PARVG: variants seen among roughly 807,000 people sequenced by gnomAD.
PARVG encodes the protein gamma-parvin.
A neutral mutation model predicts 44.4 loss-of-function variants in PARVG; 36 were observed. The observed-to-expected ratio is 0.81, with a 90% CI of 0.62 to 1.07. The LOEUF (loss-of-function observed/expected upper bound fraction) is 1.07, where lower values mean the gene tolerates loss of function less well. PARVG is among the 50% of genes least tolerant of loss of function. PARVG has a pLI of 0.00. For missense variants in PARVG, 407 were observed against 407.4 expected, an observed-to-expected ratio of 1.00 and a Z score of 0.01; for synonymous variants, 170 against 174.1, an observed-to-expected ratio of 0.98 and a Z score of 0.19.
chr22:44,205,938 G>A, intron 13 of PARVG, 109 bp downstream of exon 13: 1 of 1,300,382 alleles, frequency 7.7e-7, no homozygotes, highest in Non-Finnish European at 1.1e-6. Flanking sequence ...CATTGGCAGA[G>A]TCCTCTTGCC....
chr22:44,185,853 A>C lies in PARVG; in HGVS notation c.125A>C (p.Lys42Thr), dbSNP rs762961993. The change falls in exon 4 of 14, where the codon AAA becomes ACA. Residue 42 changes from lysine (K) to threonine (T), a missense_variant. Lys to Thr is a moderately conservative substitution (Grantham distance 78). Coordinates refer to ENST00000444313, the MANE Select transcript of PARVG (RefSeq NM_022141.7). ...YLPPTSRKDP[K>T]FEELQKVLME... is the part of the protein sequence containing the mutation. ...CCACCCACTTCCCGGAAGGACCCCA[A>C]ATTTGAAGAACTGCAGAAGGTACAG... is the stretch of plus-strand genomic sequence containing the variant. The C allele has an allele frequency of 1.2e-6, 2 of 1,613,400 alleles. No homozygotes were observed. The highest frequency in any genetic ancestry group is 1.7e-6 in the Non-Finnish European group (2 of 1,179,684).
intron 12 of PARVG, 54 bp from the exon 13 acceptor site, chr22:44,205,703 C>T (rs1350172945): frequency 6.2e-7 from 1 of 1,604,332 alleles, no homozygotes; most frequent in Non-Finnish European, 8.5e-7. Context: ...GGACCCAAGG[C>T]CTGGCCTGGG....
At chr22:44,196,809 A>G (rs1267063830) in intron 11 of PARVG, among the ~76,000 whole-genome samples, 1 of 152,200 alleles carries the variant, frequency 6.6e-6, no homozygotes, top group African/African-American at 2.4e-5. Flanking sequence ...GTGACAGCGC[A>G]GCCCAGCCGT....
rs1416378816 is a variant in PARVG, at chr22:44,198,615, T to A, written c.712-6T>A. ...ATGTGATTGTCTCCAGTTCCTTCCT[T>A]TGTAGTTTGCAGATGGGGTCATCTT... On this transcript the variant is annotated splice_polypyrimidine_tract_variant and splice_region_variant and intron_variant, in intron 11 of 13. Coordinates refer to ENST00000444313, the MANE Select transcript of PARVG (RefSeq NM_022141.7). 6.2e-7 allele frequency: 1 copy of A among 1,606,078 alleles called. No homozygotes were observed. The highest frequency in any genetic ancestry group is 8.5e-7 in the Non-Finnish European group (1 of 1,172,676).
intron 7 of PARVG, among the ~76,000 whole-genome samples, chr22:44,191,288 C>CG (rs1192515898): frequency 6.6e-6 from 1 of 151,778 alleles, no homozygotes; most frequent in Admixed American, 6.6e-5. Flanking sequence ...ACCCCAGCCT[C>CG]GGGTCCCTCA....
chr22:44,174,053 C>A (rs1569173426), intron 1 of PARVG, among the ~76,000 whole-genome samples: 1 of 152,328 alleles, frequency 6.6e-6, no homozygotes, highest in Non-Finnish European at 1.5e-5. Flanking sequence ...TGGTGCAGAA[C>A]CTTCTGGGGA....
intron 6 of PARVG, among the ~76,000 whole-genome samples, chr22:44,190,141 G>A (rs1389524613): frequency 6.6e-6 from 1 of 152,168 alleles, no homozygotes; most frequent in Non-Finnish European, 1.5e-5. Context: ...GGTCCCATGC[G>A]CCTGCATTCG....
upstream of PARVG, among the ~76,000 whole-genome samples, chr22:44,179,181 G>T (rs1444713495): frequency 6.6e-6 from 1 of 151,584 alleles, no homozygotes; most frequent in Admixed American, 6.6e-5. The surrounding 1 kb of genome is among the most constrained non-coding windows in gnomAD (Gnocchi z 4.2). Flanking sequence ...CTCTTAATTG[G>T]GGTTTGGGGG....
At chr22:44,179,761 G>A (rs1438668965), upstream of PARVG, among the ~76,000 whole-genome samples, 1 of 141,692 alleles carries the variant, frequency 7.1e-6, no homozygotes, top group Non-Finnish European at 1.6e-5. The surrounding 1 kb of genome is among the most constrained non-coding windows in gnomAD (Gnocchi z 4.2). Context: ...AGTTAATTGG[G>A]ATTCAGTTGC....
intron 12 of PARVG, 144 bp from the exon 13 acceptor site, chr22:44,205,613 C>T (rs879537196): frequency 3.7e-5 from 31 of 842,864 alleles, no homozygotes; most frequent in Non-Finnish European, 4.8e-5. Flanking sequence ...GGATTGTGGT[C>T]GTGGTCAGGG....
intron 12 of PARVG, among the ~76,000 whole-genome samples, chr22:44,202,195 T>A (rs1008973179): frequency 2.0e-5 from 3 of 152,204 alleles, no homozygotes; most frequent in Non-Finnish European, 2.9e-5. Flanking sequence ...CCTGTTTCCC[T>A]CCTGTGGAGC....
intron 1 of PARVG, among the ~76,000 whole-genome samples, chr22:44,174,684 C>T (rs958395798): frequency 2.1e-5 from 3 of 146,034 alleles, no homozygotes; most frequent in South Asian, 2.2e-4. Context: ...TGCATTGAGC[C>T]GAGATCACCC....
At position 44,186,383 on chromosome 22, in the gene PARVG, C is replaced by T. The variant is rs563150345; in HGVS notation, c.144+511C>T. 7.7e-4 allele frequency: 280 copies of T among 361,830 alleles called. 2 individuals carry two copies. The highest frequency in any genetic ancestry group is 1.2e-3 in the Non-Finnish European group (219 of 180,212). The allele number at this position is 361,830 out of a possible 1,614,324, so 22.4% of individuals were successfully genotyped here. The stretch of plus-strand genomic sequence containing the variant: ...TGCTGCTATGGCCACTGGACCAGCT[C>T]GGCACAGGTGGGCTCCAGGCCTCTG... On this transcript the variant is annotated intron_variant, in intron 4 of 13. Coordinates refer to ENST00000444313, the MANE Select transcript of PARVG (RefSeq NM_022141.7).
intron 1 of PARVG, 149 bp downstream of exon 1, chr22:44,181,334 G>T: frequency 1.0e-6 from 1 of 985,508 alleles, no homozygotes; most frequent in Non-Finnish European, 1.2e-6. Context: ...TCAGGGGCGG[G>T]CAGGGGGCGT....
In PARVG at chr22:44,181,091, C is replaced by T. The variant is rs2054368786; in HGVS notation, c.-283C>T. Reference sequence around the variant, plus strand: ...CCTATGCAGCCGTCAAGGCCCCATTCTCCTCTGGAAAGCCTTCCCGATCCC... The same window carrying T: ...CCTATGCAGCCGTCAAGGCCCCATTTTCCTCTGGAAAGCCTTCCCGATCCC... On this transcript the variant is annotated 5_prime_UTR_variant, in exon 1 of 14. Transcript: ENST00000444313. 1.5e-6 allele frequency: 1 copy of T among 678,250 alleles called. No individual in the cohort carries two copies. The highest frequency in any genetic ancestry group is 1.3e-4 in the East Asian group (1 of 7,474). 42.0% of individuals were successfully genotyped at this position (678,250 alleles called of 1,614,324 possible).
chr22:44,204,121 A>C (rs1382886407), intron 12 of PARVG, among the ~76,000 whole-genome samples: 3 of 152,214 alleles, frequency 2.0e-5, no homozygotes, highest in Non-Finnish European at 1.5e-5. Context: ...CTGGGATTAC[A>C]GGAATGAGCC....
exon 1 of PARVG, chr22:44,173,119 G>T (rs1381626631): frequency 7.8e-7 from 1 of 1,289,194 alleles, no homozygotes; most frequent in Non-Finnish European, 1.0e-6. Flanking sequence ...CCTTTGTGGG[G>T]GATGGGACTT....
chr22:44,181,260 G>A (rs1276110196), intron 1 of PARVG, 75 bp downstream of exon 1: 6 of 859,762 alleles, frequency 7.0e-6, no homozygotes, highest in Non-Finnish European at 7.0e-6. Flanking sequence ...GGTGCCGTTG[G>A]TGGGTTTGAG....
At chr22:44,202,059 A>G (rs2054717143) in intron 12 of PARVG, among the ~76,000 whole-genome samples, 1 of 152,234 alleles carries the variant, frequency 6.6e-6, no homozygotes, top group South Asian at 2.1e-4. Context: ...GTGTGGACGA[A>G]TGTGCTAGCA....
Sources: gnomAD v4.1 joint callset for allele counts (sites outside exome capture counted in the v4.1 genomes callset) on GRCh38, gnomAD v4.1.1 for gene constraint, Gnocchi (gnomAD v3.1) non-coding constraint, MANE v1.5 for transcripts, NCBI Gene and HGNC (gene_info 2026-07-23, HGNC 2026-07-21) for gene names.